KALRN: variants seen among roughly 807,000 people sequenced by gnomAD.
KALRN encodes the protein kalirin RhoGEF kinase.
KALRN carries 70 observed loss-of-function variants against 353.7 expected under a neutral mutation model. That is an observed-to-expected ratio of 0.20 (90% CI 0.16 to 0.24). KALRN has a LOEUF of 0.24. Ranked by LOEUF, KALRN falls within the 10% of genes least tolerant of loss-of-function variation. The pLI is 1.00. For synonymous variants in KALRN, 1,391 were observed against 1,434.8 expected, an observed-to-expected ratio of 0.97 and a Z score of 0.69; for missense variants, 2,791 against 3,756.7, an observed-to-expected ratio of 0.74 and a Z score of 6.72.
intron 29 of KALRN, 64 bp downstream of exon 29, chr3:124,488,379 TG>T (rs2062784494): frequency 9.1e-7 from 1 of 1,101,578 alleles, no homozygotes; most frequent in Non-Finnish European, 1.4e-6. Flanking sequence ...GCTTGTATCA[TG>T]GGAGGGAAGT....
Position 124,457,950 on chromosome 3 carries a change from C to T in KALRN, c.3854+1222C>T, listed in dbSNP as rs148891960. Among the ~76,000 whole-genome samples the T allele has an allele frequency of 3.3e-5, 5 of 152,256 alleles. No individual in the cohort carries two copies. The East Asian group carries it at 9.6e-4, about 29-fold the overall frequency. On this transcript the variant is annotated intron_variant, in intron 23 of 59. Coordinates refer to ENST00000682506, the MANE Select transcript of KALRN (RefSeq NM_001388419.1). ...AGTCAGATCATTTTCACTGACTCCTCTCAGGTCTAAGAATAAATTGTATAT... is the reference window on the plus strand; with the variant it reads ...AGTCAGATCATTTTCACTGACTCCTTTCAGGTCTAAGAATAAATTGTATAT...
intron 1 of KALRN, among the ~76,000 whole-genome samples, chr3:124,175,892 T>A (rs1443895498): frequency 6.6e-6 from 1 of 152,224 alleles, no homozygotes; most frequent in Non-Finnish European, 1.5e-5. Context: ...ATATCTTCTT[T>A]AACATGTCTA....
intron 1 of KALRN, chr3:124,100,478 T>C (rs2061772115): frequency 6.6e-6 from 1 of 152,148 alleles, no homozygotes; most frequent in Non-Finnish European, 1.5e-5. Context: ...AGAATGAAAT[T>C]AGACCCCTAT....
chr3:124,185,162 C>G (rs1182875360), intron 1 of KALRN, among the ~76,000 whole-genome samples: 1 of 152,186 alleles, frequency 6.6e-6, no homozygotes, highest in East Asian at 1.9e-4. Flanking sequence ...ACTACATGTT[C>G]ATGCCACTGC....
chr3:124,286,139 C>CCTTT (rs1553894156), intron 5 of KALRN, among the ~76,000 whole-genome samples: 2 of 41,716 alleles, frequency 4.8e-5, no homozygotes, highest in Admixed American at 2.6e-4. Context: ...TTCTTTCTTT[C>CCTTT]CTTTCTTTCT....
At chr3:124,370,376 G>A (rs966194655) in intron 10 of KALRN, among the ~76,000 whole-genome samples, 4 of 152,188 alleles carry the variant, frequency 2.6e-5, no homozygotes, top group African/African-American at 7.2e-5. Flanking sequence ...AGTTTTAGGG[G>A]AGAAGGACTG....
chr3:124,206,689 T>TGAGTTTCCAG (rs2076439471), intron 1 of KALRN, among the ~76,000 whole-genome samples: 1 of 152,228 alleles, frequency 6.6e-6, no homozygotes, highest in Non-Finnish European at 1.5e-5. Context: ...TAGCATTACA[T>TGAGTTTCCAG]GAGTTTCCAG....
intron 27 of KALRN, among the ~76,000 whole-genome samples, chr3:124,479,716 A>ATTTTT (rs142639039): frequency 2.3e-5 from 2 of 86,800 alleles, no homozygotes; most frequent in African/African-American, 4.2e-5. Flanking sequence ...ACGATCCAGA[A>ATTTTT]TTTTTTTTTT....
chr3:124,314,276 T>C (rs9832145), intron 6 of KALRN, among the ~76,000 whole-genome samples: 79,113 of 148,384 alleles, frequency 0.53, 21,426 homozygotes, highest in East Asian at 0.67. Context: ...CGCATGTTCT[T>C]ATTCATAGGT....
At chr3:124,217,690 C>T (rs2077475401) in intron 1 of KALRN, among the ~76,000 whole-genome samples, 1 of 152,152 alleles carries the variant, frequency 6.6e-6, no homozygotes. Context: ...ACAGCAGCCA[C>T]TCCAAGTAGC....
intron 5 of KALRN, among the ~76,000 whole-genome samples, chr3:124,288,829 A>C (rs1342761593): frequency 2.0e-5 from 3 of 152,186 alleles, no homozygotes; most frequent in African/African-American, 7.2e-5. Flanking sequence ...ATTTGAGAAA[A>C]TAGAGAAAAA....
At chr3:124,593,621 C>A (rs2076011403) in intron 34 of KALRN, among the ~76,000 whole-genome samples, 1 of 152,264 alleles carries the variant, frequency 6.6e-6, no homozygotes, top group Middle Eastern at 3.4e-3. Flanking sequence ...CCAGCTCCAG[C>A]AAAACATTCC....
chr3:124,096,765 A>G (rs2061476237), intron 1 of KALRN: 1 of 152,206 alleles, frequency 6.6e-6, no homozygotes. Flanking sequence ...TGGAATATTA[A>G]TAATAATGCC....
At position 124,430,772 on chromosome 3, in the gene KALRN, C is replaced by A. The variant is rs377636597; in HGVS notation, c.2826C>A (p.Ile942=). The A allele has an allele frequency of 1.5e-4, 240 of 1,613,676 alleles. 2 individuals carry two copies. In the South Asian group the frequency reaches 2.1e-3, roughly 14 times the overall value. Residue 942 remains isoleucine (I), a synonymous_variant, in exon 16 of 60, where the codon ATC becomes ATA. Transcript: ENST00000682506. ...QREHEQFQLA[I]ESLFHATSLQ... ...AGCACGAGCAGTTCCAACTGGCCAT[C>A]GAGGTAACACCCAAATCTGGCTGCA...
At chr3:124,134,859 A>C (rs1221866261) in intron 1 of KALRN, among the ~76,000 whole-genome samples, 1 of 152,164 alleles carries the variant, frequency 6.6e-6, no homozygotes, top group Non-Finnish European at 1.5e-5. Context: ...TGGCCATAAT[A>C]AGAAAACAAA....
At chr3:124,718,018 G>A (rs897937968) in intron 59 of KALRN, among the ~76,000 whole-genome samples, 1 of 151,024 alleles carries the variant, frequency 6.6e-6, no homozygotes, top group Non-Finnish European at 1.5e-5. Flanking sequence ...CATCATGTTG[G>A]CCAGGCTGGT....
chr3:124,099,690 G>C (rs2061706666), intron 1 of KALRN, among the ~76,000 whole-genome samples: 1 of 152,184 alleles, frequency 6.6e-6, no homozygotes, highest in African/African-American at 2.4e-5. Flanking sequence ...CAGTGTATAA[G>C]AGTTCCCTTT....
intron 33 of KALRN, among the ~76,000 whole-genome samples, chr3:124,549,825 A>G (rs2070243104): frequency 6.6e-6 from 1 of 152,134 alleles, no homozygotes; most frequent in African/African-American, 2.4e-5. Context: ...AACAATTGAG[A>G]TGGAACATTG....
chr3:124,584,802 C>G (rs886614240), intron 34 of KALRN: 1 of 1,593,352 alleles, frequency 6.3e-7, no homozygotes, highest in Non-Finnish European at 8.5e-7. Context: ...CATGCGGGAG[C>G]GCTGGGGCGG....
Sources: gnomAD v4.1 joint callset for allele counts (sites outside exome capture counted in the v4.1 genomes callset) on GRCh38, gnomAD v4.1.1 for gene constraint, MANE v1.5 for transcripts, NCBI Gene and HGNC (gene_info 2026-07-23, HGNC 2026-07-21) for gene names.